LRRC4C: variants seen among roughly 807,000 people sequenced by gnomAD.
LRRC4C encodes leucine-rich repeat-containing protein 4C.
Under a neutral mutation model 33.6 loss-of-function variants are expected in LRRC4C, and 5 were observed. The ratio of observed to expected loss-of-function variants is 0.15; its 90% confidence interval spans 0.08 to 0.31. The LOEUF (loss-of-function observed/expected upper bound fraction) is 0.31. LRRC4C is among the 10% of genes least tolerant of loss of function. LRRC4C has a pLI of 1.00. For missense variants in LRRC4C, 560 were observed against 796.7 expected (o/e 0.70, Z 3.58); for synonymous variants, 329 against 302.0 (o/e 1.09, Z -0.93).
At chr11:40,189,956 CTT>C (rs1861703779) in intron 5 of LRRC4C, among the ~76,000 whole-genome samples, 1 of 152,268 alleles carries the variant, frequency 6.6e-6, no homozygotes, top group East Asian at 1.9e-4. Flanking sequence ...TCAATACAAA[CTT>C]TTCATAATCA....
intron 1 of LRRC4C, among the ~76,000 whole-genome samples, chr11:41,001,913 T>C (rs1382380079): frequency 6.6e-6 from 1 of 152,032 alleles, no homozygotes; most frequent in Non-Finnish European, 1.5e-5. Flanking sequence ...ACTGTAGATA[T>C]TTATGTTACT....
intron 1 of LRRC4C, among the ~76,000 whole-genome samples, chr11:40,962,084 C>T (rs1465491854): frequency 2.0e-5 from 3 of 151,546 alleles, no homozygotes; most frequent in Non-Finnish European, 4.4e-5. Context: ...CCTGATGCCC[C>T]AGACCTGTCA....
chr11:41,059,301 G>C (rs1858892025), intron 1 of LRRC4C, among the ~76,000 whole-genome samples: 1 of 134,520 alleles, frequency 7.4e-6, no homozygotes, highest in African/African-American at 2.7e-5. Context: ...AAAAAACTTA[G>C]ATACGTTCCT....
At chr11:40,755,782 G>A (rs1948919074) in intron 2 of LRRC4C, among the ~76,000 whole-genome samples, 1 of 152,062 alleles carries the variant, frequency 6.6e-6, no homozygotes, top group East Asian at 1.9e-4. Flanking sequence ...AAATTTCAGA[G>A]TACCGTATTT....
At chr11:40,405,420 G>A (rs927063155) in intron 3 of LRRC4C, among the ~76,000 whole-genome samples, 1 of 151,896 alleles carries the variant, frequency 6.6e-6, no homozygotes, top group African/African-American at 2.4e-5. Context: ...TGGATCACCT[G>A]AGGTAAGGAG....
intron 4 of LRRC4C, among the ~76,000 whole-genome samples, chr11:40,286,653 A>G (rs183898898): frequency 1.7e-3 from 257 of 152,340 alleles, no homozygotes; most frequent in Non-Finnish European, 1.8e-3. Flanking sequence ...CAAAGAAAAG[A>G]AAGTGGGCTA....
chr11:40,800,355 C>A lies in LRRC4C; in HGVS notation c.-407+133280G>T, dbSNP rs193274171. On this transcript the variant is annotated intron_variant, in intron 2 of 6. Coordinates refer to ENST00000528697, the MANE Select transcript of LRRC4C (RefSeq NM_001258419.2). ...TGAGGACAATGCTTATCCATGACAG[C>A]ATTTATTGTTTGAGGGGGAATTCAA... Among the ~76,000 whole-genome samples the A allele has an allele frequency of 5.2e-4, 79 of 152,266 alleles. 1 individual carries two copies. In the South Asian group the frequency reaches 0.011, roughly 21 times the overall value.
In LRRC4C at chr11:40,990,231, TTATATATATATATATATATATATATA is replaced by T. The variant is rs761772952; in HGVS notation, c.-495-56534_-495-56509del. On this transcript the variant is annotated intron_variant, in intron 1 of 6. Transcript: ENST00000528697. ...AAATATTTGAATAGTATGTCAAGTT[TTATATATATATATATATATATATATA>T]TATATATATATATATATGAATATAT... Among the ~76,000 whole-genome samples the T allele has an allele frequency of 2.4e-4, 19 of 78,244 alleles. 2 individuals are homozygous for T. Among genetic ancestry groups the T allele is most frequent in the South Asian group, 5.8e-4 (1 of 1,738 alleles). The allele number at this position is 78,244 out of a possible 152,430, so 51.3% of individuals were successfully genotyped here. A position where few individuals can be genotyped will look rare whatever the true frequency, so the allele number is the denominator to read the frequency against.
chr11:41,005,466 TG>T (rs1332666425), intron 1 of LRRC4C, among the ~76,000 whole-genome samples: 2 of 152,016 alleles, frequency 1.3e-5, no homozygotes, highest in Non-Finnish European at 2.9e-5. Context: ...TAGCCGGGCG[TG>T]GTGGCACATG....
intron 2 of LRRC4C, among the ~76,000 whole-genome samples, chr11:40,898,944 A>C (rs528198564): frequency 6.6e-6 from 1 of 152,294 alleles, no homozygotes; most frequent in African/African-American, 2.4e-5. Flanking sequence ...CTATTTCCTT[A>C]GATACATACA....
At chr11:40,846,364 A>T (rs1953172742) in intron 2 of LRRC4C, among the ~76,000 whole-genome samples, 1 of 152,150 alleles carries the variant, frequency 6.6e-6, no homozygotes, top group Non-Finnish European at 1.5e-5. Flanking sequence ...TATGAGGTGT[A>T]AGGAAGGGGT....
At chr11:40,721,252 A>G (rs1001098243) in intron 2 of LRRC4C, among the ~76,000 whole-genome samples, 4 of 152,170 alleles carry the variant, frequency 2.6e-5, no homozygotes, top group African/African-American at 7.2e-5. Context: ...TTTTGATGAA[A>G]TTAGGGCCCT....
intron 1 of LRRC4C, among the ~76,000 whole-genome samples, chr11:41,000,421 T>C (rs1195875173): frequency 6.6e-6 from 1 of 152,172 alleles, no homozygotes; most frequent in Non-Finnish European, 1.5e-5. Context: ...ATGTGGCCCA[T>C]AGATTGGTTT....
At chr11:40,782,445 CTTTT>C (rs201812921) in intron 2 of LRRC4C, among the ~76,000 whole-genome samples, 16 of 146,400 alleles carry the variant, frequency 1.1e-4, no homozygotes, top group Non-Finnish European at 2.4e-4. Flanking sequence ...TAATTGCATA[CTTTT>C]TTTTTTTTTC....
At chr11:40,767,724 T>G (rs1949542108) in intron 2 of LRRC4C, among the ~76,000 whole-genome samples, 1 of 151,804 alleles carries the variant, frequency 6.6e-6, no homozygotes, top group East Asian at 1.9e-4. Context: ...AAATGACCAA[T>G]AAGTCAATGA....
chr11:41,144,106 T>C (rs1480922673), intron 1 of LRRC4C, among the ~76,000 whole-genome samples: 2 of 152,130 alleles, frequency 1.3e-5, no homozygotes, highest in African/African-American at 4.8e-5. Flanking sequence ...CATTATCTTA[T>C]TGAAGCACAA....
chr11:41,264,144 T>G (rs1591100146), intron 1 of LRRC4C, among the ~76,000 whole-genome samples: 1 of 150,026 alleles, frequency 6.7e-6, no homozygotes, highest in South Asian at 2.1e-4. Flanking sequence ...CAGGCTGGAG[T>G]GCAGTGGCTC....
chr11:40,725,607 T>C (rs970129173), intron 2 of LRRC4C, among the ~76,000 whole-genome samples: 4 of 152,082 alleles, frequency 2.6e-5, no homozygotes, highest in Non-Finnish European at 5.9e-5. Flanking sequence ...ATTTTCTTCA[T>C]AATAATCTCA....
Position 40,365,561 on chromosome 11 carries a change from G to A in LRRC4C, c.-269-45840C>T, listed in dbSNP as rs140029101. Among the ~76,000 whole-genome samples, 69 of 152,028 alleles carry A rather than the reference G, an allele frequency of 4.5e-4. 2 individuals are homozygous for A. Among genetic ancestry groups the A allele is most frequent in the African/African-American group, 1.5e-3 (64 of 41,506 alleles). Reference sequence around the variant, plus strand: ...TAAGGGAAAACTGAAGGCAACTTTGGGGGGGCCCGAGAGGAGATTTTTAAG... The same window carrying A: ...TAAGGGAAAACTGAAGGCAACTTTGAGGGGGCCCGAGAGGAGATTTTTAAG... On this transcript the variant is annotated intron_variant, in intron 3 of 6. Transcript: ENST00000528697.
Sources: gnomAD v4.1 joint callset for allele counts (sites outside exome capture counted in the v4.1 genomes callset) on GRCh38, gnomAD v4.1.1 for gene constraint, MANE v1.5 for transcripts, NCBI Gene and HGNC (gene_info 2026-07-23, HGNC 2026-07-21) for gene names.